Variants in COL4A3 observed in about 807,000 individuals in gnomAD.
COL4A3 encodes collagen alpha-3(IV) chain.
In COL4A3, 135 loss-of-function variants were observed where a neutral mutation model predicts 217.4. The ratio of observed to expected loss-of-function variants is 0.62; its 90% CI spans 0.54 to 0.72. The LOEUF (loss-of-function observed/expected upper bound fraction) is 0.72. Among genes scored for constraint, COL4A3 ranks in the 30% least tolerant of loss-of-function variants. The probability of loss-of-function intolerance (pLI) is 0.00; values close to 1 mark genes in which losing one functional copy is unlikely to be tolerated. For synonymous variants in COL4A3, 690 were observed against 736.3 expected, an observed-to-expected ratio of 0.94 and a Z score of 1.02; for missense variants, 1,868 against 2,119.9, an observed-to-expected ratio of 0.88 and a Z score of 2.33.
rs2106201336 is a variant in COL4A3, at chr2:227,289,134, T to C, written c.2882-16T>C. On this transcript the variant is annotated splice_polypyrimidine_tract_variant and intron_variant, in intron 34 of 51. Transcript: ENST00000396578. ...CCTGGCTAATTTTCTTGTTAATACCTGGTTTCTAACTTCAGGATTCGCAGG... is the reference window on the plus strand; with the variant it reads ...CCTGGCTAATTTTCTTGTTAATACCCGGTTTCTAACTTCAGGATTCGCAGG... The C allele has an allele frequency of 1.2e-6, 2 of 1,606,802 alleles. No individual in the cohort carries two copies. The highest frequency in any genetic ancestry group is 1.7e-6 in the Non-Finnish European group (2 of 1,175,094).
At chr2:227,167,272 T>C (rs960055688) in intron 1 of COL4A3, among the ~76,000 whole-genome samples, 5 of 152,244 alleles carry the variant, frequency 3.3e-5, no homozygotes, top group African/African-American at 9.6e-5. Context: ...GCAGCGGTGT[T>C]GACTCTACAT....
At chr2:227,309,097 T>C (rs2073635748) in intron 49 of COL4A3, 21 bp downstream of exon 49, 1 of 1,613,686 alleles carries the variant, frequency 6.2e-7, no homozygotes, top group Non-Finnish European at 8.5e-7. Flanking sequence ...AATCCCCTAG[T>C]TTTACAATGG....
At chr2:227,202,200 A>C (rs564630388) in intron 1 of COL4A3, among the ~76,000 whole-genome samples, 2 of 152,276 alleles carry the variant, frequency 1.3e-5, no homozygotes, top group South Asian at 2.1e-4. Context: ...AGAGCACACC[A>C]GTTCTAGCTT....
chr2:227,306,127 T>C (rs1006080314), intron 47 of COL4A3, among the ~76,000 whole-genome samples: 3 of 152,218 alleles, frequency 2.0e-5, no homozygotes, highest in Non-Finnish European at 4.4e-5. Context: ...TATTAAGAAT[T>C]CTATTAATTT....
rs2071418482 is a variant in COL4A3, at chr2:227,274,260, A to AATAAATAAATAAATAAATAAAT, written c.1927+1157_1927+1158insAAATAAATATAAATAAATAAAT. ...TCAAAAATAAATAAATAAATAAATA[A>AATAAATAAATAAATAAATAAAT]ATAAATAAATAAATTTTAAAAATCA... On this transcript the variant is annotated intron_variant, in intron 26 of 51. Transcript: ENST00000396578. 4.0e-5 allele frequency among the ~76,000 whole-genome samples: 6 copies of AATAAATAAATAAATAAATAAAT among 151,594 alleles called. No homozygotes were observed. The South Asian group carries it at 1.0e-3, about 26-fold the overall frequency.
intron 1 of COL4A3, among the ~76,000 whole-genome samples, chr2:227,222,819 G>A (rs763959282): frequency 2.6e-5 from 4 of 152,150 alleles, no homozygotes; most frequent in Admixed American, 1.3e-4. Flanking sequence ...GGCAGGAATC[G>A]CACCTGCAGC....
chr2:227,307,255 C>T (rs79898112), intron 47 of COL4A3, among the ~76,000 whole-genome samples: 6,744 of 152,272 alleles, frequency 0.044, 190 homozygotes, highest in Middle Eastern at 0.11. Flanking sequence ...ATGTTTTCTG[C>T]AATTGTTTAT....
At chr2:227,172,035 G>C (rs972937141) in intron 1 of COL4A3, among the ~76,000 whole-genome samples, 1 of 152,144 alleles carries the variant, frequency 6.6e-6, no homozygotes, top group Admixed American at 6.5e-5. Flanking sequence ...AGTTGTATAC[G>C]TGTTCACTTG....
At chr2:227,202,081 G>A (rs1236232711) in intron 1 of COL4A3, among the ~76,000 whole-genome samples, 1 of 152,122 alleles carries the variant, frequency 6.6e-6, no homozygotes, top group African/African-American at 2.4e-5. Context: ...AAAAATCCAG[G>A]TGCAGAATTC....
At chr2:227,175,661 G>T (rs2065651848) in intron 1 of COL4A3, among the ~76,000 whole-genome samples, 1 of 152,186 alleles carries the variant, frequency 6.6e-6, no homozygotes, top group Non-Finnish European at 1.5e-5. Context: ...GAGGAGGTGG[G>T]TCTGTCGTGG....
chr2:227,275,169 C>CTGT (rs200536643), intron 26 of COL4A3, among the ~76,000 whole-genome samples: 13,255 of 151,222 alleles, frequency 0.088, 1,542 homozygotes, highest in African/African-American at 0.27. Context: ...ACCAAATGCT[C>CTGT]TGTTGTTGTT....
intron 1 of COL4A3, among the ~76,000 whole-genome samples, chr2:227,172,913 C>A (rs2065543434): frequency 6.6e-6 from 1 of 152,112 alleles, no homozygotes; most frequent in African/African-American, 2.4e-5. Flanking sequence ...GGGCACAGAT[C>A]CCATCATGAA....
intron 44 of COL4A3, among the ~76,000 whole-genome samples, 188 bp downstream of exon 44, chr2:227,303,298 A>G (rs1483222014): frequency 6.6e-6 from 1 of 152,144 alleles, no homozygotes; most frequent in Non-Finnish European, 1.5e-5. Flanking sequence ...TCTTCAGATC[A>G]ATGGCTCTCG....
intron 50 of COL4A3, among the ~76,000 whole-genome samples, 164 bp from the exon 51 acceptor site, chr2:227,310,612 G>A (rs992583879): frequency 6.6e-6 from 1 of 152,168 alleles, no homozygotes; most frequent in Non-Finnish European, 1.5e-5. Flanking sequence ...GAGTCACTGC[G>A]CCTGGCCACA....
At chr2:227,168,101 G>C (rs2065343003) in intron 1 of COL4A3, among the ~76,000 whole-genome samples, 1 of 152,102 alleles carries the variant, frequency 6.6e-6, no homozygotes, top group Non-Finnish European at 1.5e-5. Flanking sequence ...GTTATATAAA[G>C]TATGATTCAT....
chr2:227,195,397 A>G (rs761214422), intron 1 of COL4A3, among the ~76,000 whole-genome samples: 5 of 152,132 alleles, frequency 3.3e-5, no homozygotes, highest in Non-Finnish European at 5.9e-5. Context: ...CCACATGTAC[A>G]ATGGTGGCCC....
chr2:227,181,445 G>C (rs912323975), intron 1 of COL4A3, among the ~76,000 whole-genome samples: 2 of 152,158 alleles, frequency 1.3e-5, no homozygotes, highest in African/African-American at 4.8e-5. Context: ...CTAATTATTA[G>C]ATTGAACATA....
chr2:227,256,369 T>C lies in COL4A3; in HGVS notation c.960T>C (p.Pro320=), dbSNP rs764086110. 1 of 1,613,486 alleles carries C rather than the reference T, an allele frequency of 6.2e-7. No individual in the cohort carries two copies. The highest frequency in any genetic ancestry group is 1.7e-5 in the Admixed American group (1 of 59,984). ...SEGVKGNRGF[P]GLMGEDGIKG... is the part of the protein sequence containing the mutation. ...GAGTCAAGGGCAACAGGGGTTTCCC[T>C]GGGTTAATGGGTGAAGATGGCATTA... Residue 320 remains proline, a synonymous_variant, in exon 17 of 52, where the codon CCT becomes CCC. Transcript: ENST00000396578.
chr2:227,213,635 G>A (rs2067407784), intron 1 of COL4A3, among the ~76,000 whole-genome samples: 1 of 152,088 alleles, frequency 6.6e-6, no homozygotes, highest in South Asian at 2.1e-4. Flanking sequence ...CAGGCGCGGT[G>A]GCTTACGCCT....
Sources: gnomAD v4.1 joint callset for allele counts (sites outside exome capture counted in the v4.1 genomes callset) on GRCh38, gnomAD v4.1.1 for gene constraint, MANE v1.5 for transcripts, NCBI Gene and HGNC (gene_info 2026-07-23, HGNC 2026-07-21) for gene names.